The following OSBPL9 variants were observed in gnomAD, a reference collection of about 807,000 sequenced individuals.
OSBPL9 encodes the protein oxysterol-binding protein-related protein 9.
In OSBPL9, 40 loss-of-function variants were observed where a neutral mutation model predicts 106.6. The observed-to-expected ratio is 0.38, with a 90% CI of 0.29 to 0.49. OSBPL9 has a LOEUF of 0.49. OSBPL9 is among the 20% of genes least tolerant of loss of function. The pLI is 0.97. For synonymous variants in OSBPL9, 269 were observed against 295.4 expected (o/e 0.91, Z 0.92); for missense variants, 609 against 887.2 (o/e 0.69, Z 3.98).
At chr1:51,699,057 G>A (rs1656686510) in intron 3 of OSBPL9, among the ~76,000 whole-genome samples, 1 of 152,060 alleles carries the variant, frequency 6.6e-6, no homozygotes, top group Non-Finnish European at 1.5e-5. Context: ...CAGCTGGAAG[G>A]GAGAATTCAG....
chr1:51,626,931 AT>A (rs983905063), intron 1 of OSBPL9, among the ~76,000 whole-genome samples: 1 of 152,124 alleles, frequency 6.6e-6, no homozygotes, highest in Non-Finnish European at 1.5e-5. Flanking sequence ...TTTCATATCT[AT>A]GTTTACTTCT....
the OSBPL9 span, among the ~76,000 whole-genome samples, chr1:51,535,845 G>A: frequency 2.6e-5 from 4 of 152,022 alleles, no homozygotes; most frequent in African/African-American, 9.7e-5. Flanking sequence ...GGGATTACAG[G>A]CATGAACCAC....
At chr1:51,772,837 C>T (rs895615559) in intron 14 of OSBPL9, 114 bp downstream of exon 14, 29 of 762,782 alleles carry the variant, frequency 3.8e-5, no homozygotes, top group African/African-American at 8.6e-5. Flanking sequence ...ATACCTGTGT[C>T]TTCTTGTGAT....
intron 1 of OSBPL9, among the ~76,000 whole-genome samples, chr1:51,633,520 A>G (rs1645235802): frequency 6.6e-6 from 1 of 151,850 alleles, no homozygotes; most frequent in African/African-American, 2.4e-5. Context: ...GAGCCTGGGA[A>G]GTAGAGGCTG....
intron 4 of OSBPL9, among the ~76,000 whole-genome samples, chr1:51,734,282 C>G (rs1665157529): frequency 6.6e-6 from 1 of 152,190 alleles, no homozygotes; most frequent in Non-Finnish European, 1.5e-5. Context: ...AAATGTGCCA[C>G]TTCAATTAAG....
the OSBPL9 span, chr1:51,518,281 A>T: frequency 6.6e-6 from 1 of 152,454 alleles, no homozygotes; most frequent in African/African-American, 2.4e-5. Context: ...TGAGAAGCAC[A>T]AGGACTGGAC....
intron 12 of OSBPL9, among the ~76,000 whole-genome samples, chr1:51,769,535 C>T (rs1000836847): frequency 9.2e-5 from 14 of 152,086 alleles, no homozygotes; most frequent in Non-Finnish European, 1.8e-4. Context: ...ATAGACATAC[C>T]GTGTATGGTG....
At chr1:51,704,305 A>G (rs1026999058) in intron 3 of OSBPL9, among the ~76,000 whole-genome samples, 1 of 152,134 alleles carries the variant, frequency 6.6e-6, no homozygotes, top group Non-Finnish European at 1.5e-5. Flanking sequence ...TTATTGCCTC[A>G]ATTTCAGAGC....
the OSBPL9 span, among the ~76,000 whole-genome samples, chr1:51,558,003 T>C: frequency 1.2e-4 from 18 of 151,990 alleles, no homozygotes; most frequent in South Asian, 2.1e-4. Flanking sequence ...TATAATCTAA[T>C]TTAAAAAAAA....
At chr1:51,612,898 G>A (rs1166695916), upstream of OSBPL9, among the ~76,000 whole-genome samples, 1 of 152,178 alleles carries the variant, frequency 6.6e-6, no homozygotes, top group African/African-American at 2.4e-5. Context: ...TCTAATTCTG[G>A]TTCTGCTGTT....
At chr1:51,713,143 T>G (rs1660404137) in intron 3 of OSBPL9, among the ~76,000 whole-genome samples, 1 of 151,654 alleles carries the variant, frequency 6.6e-6, no homozygotes, top group Admixed American at 6.6e-5. Context: ...TTTTTTTATT[T>G]TATTTTATTT....
At chr1:51,775,532 C>T (rs1032044752) in intron 14 of OSBPL9, among the ~76,000 whole-genome samples, 1 of 152,180 alleles carries the variant, frequency 6.6e-6, no homozygotes, top group African/African-American at 2.4e-5. Context: ...ATGTTTGTCA[C>T]ATTCCACCTA....
the OSBPL9 span, among the ~76,000 whole-genome samples, chr1:51,552,042 A>G: frequency 6.6e-6 from 1 of 151,454 alleles, no homozygotes; most frequent in Non-Finnish European, 1.5e-5. Flanking sequence ...TTTAGCAAAT[A>G]TTTGTTGAAT....
chr1:51,654,767 C>T (rs1297955693), intron 2 of OSBPL9, among the ~76,000 whole-genome samples: 3 of 151,962 alleles, frequency 2.0e-5, no homozygotes, highest in African/African-American at 7.3e-5. Flanking sequence ...ACACATGCTG[C>T]AACATAGATG....
chr1:51,535,877 T>C, the OSBPL9 span, among the ~76,000 whole-genome samples: 2 of 152,178 alleles, frequency 1.3e-5, no homozygotes, highest in Non-Finnish European at 2.9e-5. Flanking sequence ...TTACACTTTA[T>C]TTTTTAACTT....
At chr1:51,705,253 G>A (rs1020452724) in intron 3 of OSBPL9, among the ~76,000 whole-genome samples, 4 of 150,948 alleles carry the variant, frequency 2.6e-5, no homozygotes, top group Non-Finnish European at 5.9e-5. Context: ...GCTCAAGTGA[G>A]CCTCCCATCT....
intron 21 of OSBPL9, chr1:51,786,269 A>G: frequency 4.4e-6 from 2 of 454,876 alleles, no homozygotes; most frequent in Non-Finnish European, 7.8e-6. Context: ...ATTTTGTATA[A>G]TAAAATTTAC....
intron 15 of OSBPL9, among the ~76,000 whole-genome samples, chr1:51,777,999 T>A (rs951467224): frequency 5.9e-5 from 9 of 151,880 alleles, no homozygotes; most frequent in East Asian, 1.9e-4. Flanking sequence ...CAAAAAAAAA[T>A]TTTTAATAAT....
intron 12 of OSBPL9, among the ~76,000 whole-genome samples, chr1:51,767,960 T>TC (rs1672952112): frequency 2.1e-5 from 3 of 140,912 alleles, no homozygotes; most frequent in African/African-American, 8.2e-5. Flanking sequence ...TTTTTTTTTT[T>TC]TTTGAGACAC....
Sources: gnomAD v4.1 joint callset for allele counts (sites outside exome capture counted in the v4.1 genomes callset) on GRCh38, gnomAD v4.1.1 for gene constraint, MANE v1.5 for transcripts, NCBI Gene and HGNC (gene_info 2026-07-23, HGNC 2026-07-21) for gene names.